Variants in CNTRL observed in about 807,000 individuals in gnomAD.
CNTRL encodes centriolin.
In CNTRL, 233 loss-of-function variants were observed where a neutral mutation model predicts 303.7. That is an observed-to-expected ratio of 0.77 (90% CI 0.69 to 0.86). The LOEUF is 0.86. Ranked by LOEUF, CNTRL falls within the 40% of genes least tolerant of loss-of-function variation. The pLI, the probability that CNTRL is intolerant of heterozygous loss-of-function variation, is 0.00. For synonymous variants in CNTRL, 900 were observed against 922.2 expected (o/e 0.98, Z 0.44); for missense variants, 2,524 against 2,650.6 (o/e 0.95, Z 1.05).
Position 121,125,883 on chromosome 9 carries a change from C to G in CNTRL, c.1972C>G (p.Gln658Glu), listed in dbSNP as rs1444048754. 8.1e-6 allele frequency: 13 copies of G among 1,614,050 alleles called. No individual in the cohort carries two copies. Among genetic ancestry groups the G allele is most frequent in the Non-Finnish European group, 1.1e-5 (13 of 1,180,026 alleles). Residue 658 changes from glutamine to glutamate, a missense_variant, in exon 14 of 44, where the codon CAG becomes GAG. Gln to Glu is a conservative substitution (Grantham distance 29, BLOSUM62 2). Coordinates refer to ENST00000373855, the MANE Select transcript of CNTRL (RefSeq NM_007018.6). ...GTTGCAGAGATTGACAGAAGTCGAGCAGGAGAGAGACCAGCTGGAAATAGT... is the reference window on the plus strand; with the variant it reads ...GTTGCAGAGATTGACAGAAGTCGAGGAGGAGAGAGACCAGCTGGAAATAGT... ...TLLQRLTEVE[Q>E]ERDQLEIVAM...
chr9:121,097,387 T>A (rs72760215), intron 6 of CNTRL, among the ~76,000 whole-genome samples: 12,578 of 152,174 alleles, frequency 0.083, 559 homozygotes, highest in Non-Finnish European at 0.11. Context: ...CTATACTGCC[T>A]CCTTTACAGG....
At chr9:121,124,483 A>G (rs1204328484) in intron 13 of CNTRL, among the ~76,000 whole-genome samples, 1 of 152,222 alleles carries the variant, frequency 6.6e-6, no homozygotes, top group African/African-American at 2.4e-5. Flanking sequence ...AAACTGCGAC[A>G]TATCCATAAT....
In CNTRL at chr9:121,142,132, A is replaced by T. The variant is rs775586338; in HGVS notation, c.2733A>T (p.Gln911His). Residue 911 changes from glutamine to histidine, a missense_variant, in exon 19 of 44, where the codon CAA becomes CAT. Transcript: ENST00000373855. ...DKRQHEARIQ[Q>H]MENEIHYLQE... ...GGCAACATGAAGCAAGAATCCAGCA[A>T]ATGGAGAATGAAATTCACTATTTGC... The T allele has an allele frequency of 3.1e-6, 5 of 1,609,342 alleles. No individual in the cohort carries two copies. In the South Asian group the frequency reaches 4.5e-5, roughly 14 times the overall value.
intron 37 of CNTRL, among the ~76,000 whole-genome samples, 198 bp from the exon 38 acceptor site, chr9:121,167,898 G>A (rs1204213975): frequency 1.3e-5 from 2 of 152,010 alleles, no homozygotes; most frequent in Non-Finnish European, 2.9e-5. Flanking sequence ...TAACAGCCAC[G>A]TGCCATTTGC....
intron 8 of CNTRL, among the ~76,000 whole-genome samples, chr9:121,108,847 A>G (rs1173017966): frequency 1.3e-5 from 2 of 152,050 alleles, no homozygotes; most frequent in East Asian, 1.9e-4. Context: ...AGACAACACA[A>G]CTGTATTTAG....
intron 11 of CNTRL, among the ~76,000 whole-genome samples, chr9:121,117,083 A>AC (rs2050011193): frequency 5.3e-5 from 8 of 152,228 alleles, no homozygotes; most frequent in Admixed American, 5.2e-4. Flanking sequence ...ACAGTTAATA[A>AC]TTAATAATAA....
chr9:121,138,755 G>A (rs1466957980), intron 16 of CNTRL, 76 bp downstream of exon 16: 3 of 1,485,708 alleles, frequency 2.0e-6, no homozygotes, highest in East Asian at 2.3e-5. Context: ...CAGGCACTTA[G>A]CAACCTGCTC....
chr9:121,161,778 A>G, intron 32 of CNTRL, 78 bp from the exon 33 acceptor site: 1 of 1,091,270 alleles, frequency 9.2e-7, no homozygotes, highest in Non-Finnish European at 1.4e-6. Flanking sequence ...AGTCAATAGC[A>G]TTGTTTTCTG....
intron 1 of CNTRL, among the ~76,000 whole-genome samples, chr9:121,078,736 T>G (rs1039654770): frequency 9.2e-5 from 14 of 152,338 alleles, no homozygotes; most frequent in African/African-American, 3.4e-4. Context: ...GTTTGATTAA[T>G]TTGCTAGAGC....
intron 1 of CNTRL, among the ~76,000 whole-genome samples, chr9:121,078,461 C>T (rs562085338): frequency 2.6e-4 from 39 of 152,256 alleles, no homozygotes; most frequent in Non-Finnish European, 4.4e-4. Context: ...CAATTTCTCC[C>T]ACTATACGCT....
In CNTRL at chr9:121,173,483, C is replaced by A. The variant is rs138275935; in HGVS notation, c.6658C>A (p.Leu2220Met). ...TMNEGPFEEK[L>M]NFSQVHIMDE... ...GAATGAGGGACCTTTTGAAGAAAAA[C>A]TGAACTTTTCCCAAGTTCACATAAT... The change falls in exon 41 of 44, where the codon CTG becomes ATG. Residue 2220 changes from leucine to methionine, a missense_variant. Leu to Met is a conservative substitution (Grantham distance 15). Coordinates refer to ENST00000373855, the MANE Select transcript of CNTRL (RefSeq NM_007018.6). 6.8e-6 allele frequency: 11 copies of A among 1,613,348 alleles called. No individual in the cohort carries two copies. The African/African-American group carries it at 8.0e-5, about 12-fold the overall frequency.
At position 121,157,867 on chromosome 9, in the gene CNTRL, A is replaced by G. The variant is rs2052655030; in HGVS notation, c.4624A>G (p.Lys1542Glu). 9.3e-6 allele frequency: 15 copies of G among 1,614,100 alleles called. No homozygotes were observed. Among genetic ancestry groups the G allele is most frequent in the Non-Finnish European group, 1.2e-5 (14 of 1,180,006 alleles). Residue 1542 changes from lysine (K) to glutamate (E), a missense_variant, in exon 29 of 44, where the codon AAA becomes GAA. Lys to Glu is a moderately conservative substitution (Grantham distance 56, BLOSUM62 1). Coordinates refer to ENST00000373855, the MANE Select transcript of CNTRL (RefSeq NM_007018.6). ...DFQCLSKKKE[K>E]LTEELQKLQK... Reference sequence around the variant, plus strand: ...CCAATGTTTAAGCAAGAAGAAGGAAAAACTGACAGAAGAGTAAGTAAGGCC... The same window carrying G: ...CCAATGTTTAAGCAAGAAGAAGGAAGAACTGACAGAAGAGTAAGTAAGGCC...
chr9:121,171,315 G>A, intron 39 of CNTRL, 93 bp from the exon 40 acceptor site: 1 of 1,376,182 alleles, frequency 7.3e-7, no homozygotes, highest in Non-Finnish European at 1.0e-6. Flanking sequence ...GGCCCAGAAG[G>A]GGAATGAAGT....
At chr9:121,155,904 G>A (rs1368237006) in intron 27 of CNTRL, among the ~76,000 whole-genome samples, 1 of 152,060 alleles carries the variant, frequency 6.6e-6, no homozygotes, top group Non-Finnish European at 1.5e-5. Flanking sequence ...ACTATTATTT[G>A]TATTTTGCTA....
chr9:121,158,759 G>A lies in CNTRL; in HGVS notation c.4765-96G>A, dbSNP rs1464658516. 2.6e-6 allele frequency: 3 copies of A among 1,175,408 alleles called. No individual in the cohort carries two copies. The Admixed American group carries it at 6.4e-5, about 25-fold the overall frequency. The allele number at this position is 1,175,408 out of a possible 1,614,324, so 72.8% of individuals were successfully genotyped here. ...CTGACTCTTGGGGGCTAGGATATTA[G>A]CTCCTGATTTTACCTCACAACTAAA... On this transcript the variant is annotated intron_variant, in intron 30 of 43. Coordinates refer to ENST00000373855, the MANE Select transcript of CNTRL (RefSeq NM_007018.6).
At chr9:121,176,757 G>A (rs1251538016) in intron 43 of CNTRL, among the ~76,000 whole-genome samples, 1 of 152,170 alleles carries the variant, frequency 6.6e-6, no homozygotes, top group Non-Finnish European at 1.5e-5. Flanking sequence ...AAGTTAGGGG[G>A]CTGGCTTCTG....
chr9:121,135,789 C>G lies in CNTRL; in HGVS notation c.2026-17C>G. On this transcript the variant is annotated splice_polypyrimidine_tract_variant and intron_variant, in intron 14 of 43. Coordinates refer to ENST00000373855, the MANE Select transcript of CNTRL (RefSeq NM_007018.6). ...CACAGTGAGGGTTCCATAGTTAAACCCACTGAATCTTTCTAGGAGCTTGCA... is the reference window on the plus strand; with the variant it reads ...CACAGTGAGGGTTCCATAGTTAAACGCACTGAATCTTTCTAGGAGCTTGCA... The G allele has an allele frequency of 6.3e-7, 1 of 1,593,192 alleles. No individual in the cohort carries two copies. Among genetic ancestry groups the G allele is most frequent in the Non-Finnish European group, 8.6e-7 (1 of 1,168,936 alleles).
intron 1 of CNTRL, among the ~76,000 whole-genome samples, chr9:121,075,295 GA>G (rs2047873051): frequency 6.6e-6 from 1 of 152,230 alleles, no homozygotes; most frequent in Non-Finnish European, 1.5e-5. Context: ...AAGAGGTGGG[GA>G]CGGCGGGGGC....
intron 15 of CNTRL, among the ~76,000 whole-genome samples, chr9:121,138,189 T>G (rs1431680440): frequency 6.6e-6 from 1 of 152,198 alleles, no homozygotes; most frequent in Non-Finnish European, 1.5e-5. Context: ...TGATACAGTT[T>G]TTTTGAGGAC....
Sources: allele counts gnomAD v4.1 joint callset (sites outside exome capture counted in the v4.1 genomes callset), GRCh38; gene constraint gnomAD v4.1.1; transcripts MANE v1.5; gene names NCBI Gene and HGNC (gene_info 2026-07-23, HGNC 2026-07-21).